The following R3HDM1 variants were observed in gnomAD, a reference collection of about 807,000 sequenced individuals.
R3HDM1 encodes R3H domain containing 1.
A neutral mutation model predicts 141.1 loss-of-function variants in R3HDM1; 46 were observed. The ratio of observed to expected loss-of-function variants is 0.33; its 90% confidence interval spans 0.26 to 0.42. R3HDM1 has a LOEUF of 0.42. R3HDM1 is among the 10% of genes least tolerant of loss of function. The probability of loss-of-function intolerance (pLI) is 1.00; values close to 1 mark genes in which losing one functional copy is unlikely to be tolerated. For synonymous variants in R3HDM1, 435 were observed against 472.9 expected, an observed-to-expected ratio of 0.92 and a Z score of 1.04; for missense variants, 1,184 against 1,368.3, an observed-to-expected ratio of 0.87 and a Z score of 2.12.
chr2:135,642,160 G>A (rs1209439804), intron 15 of R3HDM1, among the ~76,000 whole-genome samples: 3 of 151,892 alleles, frequency 2.0e-5, no homozygotes, highest in South Asian at 2.1e-4. Flanking sequence ...TGGGAAAATC[G>A]GATACATTTT....
chr2:135,630,319 A>AC (rs1559291859), intron 7 of R3HDM1, among the ~76,000 whole-genome samples: 2 of 150,062 alleles, frequency 1.3e-5, no homozygotes, highest in African/African-American at 4.9e-5. Flanking sequence ...CAAAAAAAAA[A>AC]CGAGATTCTC....
intron 9 of R3HDM1, among the ~76,000 whole-genome samples, chr2:135,632,328 T>TAAAAA (rs11335011): frequency 7.4e-6 from 1 of 135,868 alleles, no homozygotes; most frequent in Non-Finnish European, 1.6e-5. Flanking sequence ...TAGTCAAATT[T>TAAAAA]AAAAAAAAAA....
At chr2:135,715,417 T>C in intron 23 of R3HDM1, 133 bp from the exon 24 acceptor site, 1 of 973,746 alleles carries the variant, frequency 1.0e-6, no homozygotes. Flanking sequence ...GTGTTTATTT[T>C]GGGGAGTTGC....
chr2:135,649,721 T>A (rs911858358), intron 16 of R3HDM1, among the ~76,000 whole-genome samples, 181 bp from the exon 17 acceptor site: 2 of 152,246 alleles, frequency 1.3e-5, no homozygotes, highest in Non-Finnish European at 2.9e-5. Context: ...TTTGAAAGTT[T>A]TACTGTATTA....
chr2:135,724,072 G>T lies in R3HDM1; in HGVS notation c.3185G>T (p.Arg1062Leu), dbSNP rs143951307. 2.5e-6 allele frequency: 4 copies of T among 1,614,090 alleles called. No homozygotes were observed. The South Asian group carries it at 4.4e-5, about 18-fold the overall frequency. ...WLRDPQSQPR[R>L]HPLCCGSGDN... is the part of the protein sequence containing the mutation. Reference sequence around the variant, plus strand: ...CGGGACCCCCAGTCCCAACCACGTCGTCACCCCCTCTGCTGTGGCAGTGGG... The same window carrying T: ...CGGGACCCCCAGTCCCAACCACGTCTTCACCCCCTCTGCTGTGGCAGTGGG... Residue 1062 changes from arginine to leucine, a missense_variant, in exon 27 of 27, where the codon CGT becomes CTT. Around this residue, in one of 5 missense-constraint regions of R3HDM1, gnomAD observed 182 missense variants for 252.6 expected, o/e 0.72. Transcript: ENST00000683871.
intron 1 of R3HDM1, among the ~76,000 whole-genome samples, chr2:135,539,009 C>CACAG (rs1696863676): frequency 6.6e-6 from 1 of 152,140 alleles, no homozygotes; most frequent in Non-Finnish European, 1.5e-5. Context: ...CATAGGCCTG[C>CACAG]ACAGGGTCAG....
Position 135,723,702 on chromosome 2 carries a change from G to A in R3HDM1, c.3050-235G>A, listed in dbSNP as rs545283238. ...TGAGGCAGGAGAATCGCTTGAACCT[G>A]GGAGGTGGAGGTTGCAGTGAGCCGA... On this transcript the variant is annotated intron_variant, in intron 26 of 26. Transcript: ENST00000683871. Among the ~76,000 whole-genome samples, 7 of 146,464 alleles carry A rather than the reference G, an allele frequency of 4.8e-5. No individual in the cohort carries two copies. In the East Asian group the frequency reaches 1.5e-3, roughly 31 times the overall value.
intron 18 of R3HDM1, among the ~76,000 whole-genome samples, chr2:135,658,029 A>G (rs755867149): frequency 1.3e-5 from 2 of 152,266 alleles, no homozygotes; most frequent in Non-Finnish European, 2.9e-5. Context: ...CCTACAAGCT[A>G]CAAACCTATG....
At chr2:135,709,638 G>A in intron 22 of R3HDM1, 102 bp downstream of exon 22, 1 of 1,369,238 alleles carries the variant, frequency 7.3e-7, no homozygotes, top group Non-Finnish European at 1.0e-6. Flanking sequence ...TTTGTGATGT[G>A]CTGAAATACA....
intron 1 of R3HDM1, among the ~76,000 whole-genome samples, chr2:135,544,835 A>T (rs1328252181): frequency 6.6e-6 from 1 of 151,872 alleles, no homozygotes; most frequent in African/African-American, 2.4e-5. Context: ...ATGGTGGTGC[A>T]CTCCTGTTAA....
At chr2:135,620,342 G>T in intron 5 of R3HDM1, 3 of 866,444 alleles carry the variant, frequency 3.5e-6, no homozygotes, top group Non-Finnish European at 2.8e-6. Context: ...TATGAAAAGC[G>T]TAAAGAAAGT....
chr2:135,716,962 A>G (rs1170678041), intron 24 of R3HDM1, among the ~76,000 whole-genome samples: 2 of 29,094 alleles, frequency 6.9e-5, no homozygotes, highest in African/African-American at 2.2e-4. Flanking sequence ...AAAACAAAAA[A>G]CAAACAAAAA....
chr2:135,704,952 A>G (rs1238422973), intron 21 of R3HDM1, among the ~76,000 whole-genome samples: 1 of 152,170 alleles, frequency 6.6e-6, no homozygotes, highest in East Asian at 1.9e-4. Flanking sequence ...TTATTGAACC[A>G]TCTTGTAAGC....
intron 23 of R3HDM1, among the ~76,000 whole-genome samples, chr2:135,714,955 C>T (rs951789026): frequency 1.3e-5 from 2 of 152,130 alleles, no homozygotes; most frequent in African/African-American, 4.8e-5. Context: ...GCAAAAGTAT[C>T]GGCAATATTA....
intron 3 of R3HDM1, chr2:135,606,130 G>C (rs575631480): frequency 6.6e-6 from 1 of 152,404 alleles, no homozygotes; most frequent in East Asian, 1.9e-4. Context: ...GAGCATCCCG[G>C]ATTGCTTCTC....
intron 21 of R3HDM1, among the ~76,000 whole-genome samples, chr2:135,690,547 C>T (rs1443590802): frequency 6.6e-6 from 1 of 152,118 alleles, no homozygotes; most frequent in South Asian, 2.1e-4. Flanking sequence ...ATATACCCTA[C>T]AGCATATCTG....
chr2:135,669,686 T>TTC, intron 19 of R3HDM1: 9 of 611,608 alleles, frequency 1.5e-5, no homozygotes, highest in Non-Finnish European at 1.8e-5. Context: ...ATAGAGAAGG[T>TTC]ATGAACCTCT....
At position 135,547,994 on chromosome 2, in the gene R3HDM1, G is replaced by C. The variant is rs1179560586; in HGVS notation, c.-250+16361G>C. The stretch of plus-strand genomic sequence containing the variant: ...TCACCATGTTGGACAGGATGGTCTC[G>C]ATCTCCTGACCTCGTGATCCACCCG... On this transcript the variant is annotated intron_variant, in intron 1 of 26. Coordinates refer to ENST00000683871, the MANE Select transcript of R3HDM1 (RefSeq NM_001378107.1). Among the ~76,000 whole-genome samples, 6 of 152,028 alleles carry C rather than the reference G, an allele frequency of 3.9e-5. No homozygotes were observed. In the East Asian group the frequency reaches 1.2e-3, roughly 29 times the overall value.
At chr2:135,597,114 C>G in intron 1 of R3HDM1, 1 of 978,152 alleles carries the variant, frequency 1.0e-6, no homozygotes, top group Non-Finnish European at 1.2e-6. Flanking sequence ...TATAGTCTTA[C>G]AAGACTCCAC....
Sources: allele counts gnomAD v4.1 joint callset (sites outside exome capture counted in the v4.1 genomes callset), GRCh38; gene constraint gnomAD v4.1.1; regional missense constraint gnomAD v4.1.1; transcripts MANE v1.5; gene names NCBI Gene and HGNC (gene_info 2026-07-23, HGNC 2026-07-21).